NSF: variants seen among roughly 807,000 people sequenced by gnomAD.
NSF encodes vesicle-fusing ATPase.
NSF carries 14 observed loss-of-function variants against 50.3 expected under a neutral mutation model. That is an observed-to-expected ratio of 0.28 (90% CI 0.18 to 0.44). NSF has a LOEUF of 0.44. NSF is among the 20% of genes least tolerant of loss of function. The pLI, the probability that NSF is intolerant of heterozygous loss-of-function variation, is 1.00. For synonymous variants in NSF, 109 were observed against 175.7 expected (o/e 0.62, Z 3.00); for missense variants, 218 against 504.3 (o/e 0.43, Z 5.44).
intron 17 of NSF, among the ~76,000 whole-genome samples, chr17:46,733,628 A>G (rs1306332670): frequency 6.6e-6 from 1 of 152,186 alleles, no homozygotes; most frequent in Non-Finnish European, 1.5e-5. Context: ...ATCTGATGAT[A>G]CACTTGGGTA....
At position 46,726,563 on chromosome 17, in the gene NSF, G is replaced by T; in HGVS notation, c.1776G>T (p.Ala592=). 2 of 1,613,848 alleles carry T rather than the reference G, an allele frequency of 1.2e-6. No individual in the cohort carries two copies. Among genetic ancestry groups the T allele is most frequent in the Non-Finnish European group, 1.7e-6 (2 of 1,179,814 alleles). Residue 592 remains alanine (A), a synonymous_variant, in exon 16 of 21, where the codon GCG becomes GCT. Coordinates refer to ENST00000398238, the MANE Select transcript of NSF (RefSeq NM_006178.4). The part of the protein sequence containing the change: ...CQAMKKIFDD[A]YKSQLSCVVV... ...TTTTCTTTCAGATCTTTGATGATGCGTACAAATCCCAGCTCAGTTGTGTGG... is the reference window on the plus strand; with the variant it reads ...TTTTCTTTCAGATCTTTGATGATGCTTACAAATCCCAGCTCAGTTGTGTGG...
chr17:46,736,852 G>A (rs1044623922), intron 17 of NSF, among the ~76,000 whole-genome samples: 1 of 152,176 alleles, frequency 6.6e-6, no homozygotes, highest in African/African-American at 2.4e-5. Flanking sequence ...GTGTGCAAGT[G>A]CCTCCTAACT....
chr17:46,718,337 A>T (rs957930574), intron 15 of NSF, among the ~76,000 whole-genome samples: 6 of 148,232 alleles, frequency 4.0e-5, no homozygotes, highest in East Asian at 3.9e-4. Context: ...AAAGCTGATT[A>T]AAAAAAAAAA....
chr17:46,621,223 A>C (rs2058063104), intron 1 of NSF, among the ~76,000 whole-genome samples: 1 of 149,942 alleles, frequency 6.7e-6, no homozygotes, highest in African/African-American at 2.5e-5. Flanking sequence ...TTGCAGCAAT[A>C]GTTTACCTGT....
At chr17:46,714,250 A>G (rs1217293880) in intron 15 of NSF, among the ~76,000 whole-genome samples, 2 of 152,188 alleles carry the variant, frequency 1.3e-5, no homozygotes, top group African/African-American at 4.8e-5. Flanking sequence ...TTTTGTATCA[A>G]TTTGATTAAA....
At position 46,756,908 on chromosome 17, in the gene NSF, T is replaced by C. The variant is rs532287328; in HGVS notation, c.*1085T>C. 5.9e-5 allele frequency: 9 copies of C among 152,734 alleles called. No homozygotes were observed. The highest frequency in any genetic ancestry group is 8.8e-5 in the Non-Finnish European group (6 of 68,038). 9.5% of individuals were successfully genotyped at this position (152,734 alleles called of 1,614,324 possible). A position where few individuals can be genotyped will look rare whatever the true frequency, so the allele number is the denominator to read the frequency against. ...AAAAGGAAGCACCCGTTGAGTCCTT[T>C]TGAGGGTGATTTGTCTTACAACTGA... On this transcript the variant is annotated 3_prime_UTR_variant, in exon 21 of 21. Transcript: ENST00000398238.
intron 1 of NSF, among the ~76,000 whole-genome samples, chr17:46,605,817 A>G (rs1265401729): frequency 1.7e-5 from 1 of 59,544 alleles, no homozygotes; most frequent in African/African-American, 8.5e-5. Flanking sequence ...TGAAATAAAT[A>G]TTGGCTTTAT....
chr17:46,749,669 G>A (rs1439368177), intron 17 of NSF, 104 bp from the exon 18 acceptor site: 21 of 1,091,024 alleles, frequency 1.9e-5, no homozygotes, highest in Middle Eastern at 5.8e-4. Flanking sequence ...CATTTGCATC[G>A]GCAAGATTAA....
intron 12 of NSF, among the ~76,000 whole-genome samples, chr17:46,697,579 CT>C (rs1242384599): frequency 7.2e-6 from 1 of 138,856 alleles, no homozygotes; most frequent in African/African-American, 2.8e-5. Context: ...CATAATTTCC[CT>C]ACATAATAGA....
chr17:46,736,452 T>A (rs1040072383), intron 17 of NSF, among the ~76,000 whole-genome samples: 3 of 152,222 alleles, frequency 2.0e-5, no homozygotes, highest in African/African-American at 7.2e-5. Context: ...ATTTCCTGTG[T>A]CCTTGGGGAT....
chr17:46,719,751 AAAG>A lies in NSF; in HGVS notation c.1761+5771_1761+5773del, dbSNP rs1342683785. On this transcript the variant is annotated intron_variant, in intron 15 of 20. Transcript: ENST00000398238. This position sits in a 1 kb window ranked among gnomAD's most constrained non-coding sequence, Gnocchi z 4.3. ...TTCTATTCGTGCCATTAAATGAACAAAAGAAGAAAGCAGAATTTGATTTTAACT... is the reference window on the plus strand; with the variant it reads ...TTCTATTCGTGCCATTAAATGAACAAAAGAAAGCAGAATTTGATTTTAACT... Among the ~76,000 whole-genome samples the A allele has an allele frequency of 1.3e-5, 2 of 152,212 alleles. No individual in the cohort carries two copies. The highest frequency in any genetic ancestry group is 1.9e-4 in the East Asian group (1 of 5,198).
Position 46,757,354 on chromosome 17 carries a change from T to C in NSF, c.*1531T>C, listed in dbSNP as rs968656711. On this transcript the variant is annotated 3_prime_UTR_variant, in exon 21 of 21. Transcript: ENST00000398238. ...AAGCAGCACACATTGTGTTAACTTA[T>C]GTCTCTTGTTAAATGAGCTTAATGT... is the stretch of plus-strand genomic sequence containing the variant. 3.3e-5 allele frequency: 5 copies of C among 152,694 alleles called. No homozygotes were observed. The highest frequency in any genetic ancestry group is 5.9e-5 in the Non-Finnish European group (4 of 68,054). The allele number at this position is 152,694 out of a possible 1,614,324, so 9.5% of individuals were successfully genotyped here.
chr17:46,711,191 A>G (rs546959447), intron 14 of NSF, 72 bp downstream of exon 14: 61 of 1,344,188 alleles, frequency 4.5e-5, no homozygotes, highest in Middle Eastern at 1.9e-4. Context: ...GCCCGTAAGC[A>G]CATTCTAGAA....
intron 17 of NSF, among the ~76,000 whole-genome samples, chr17:46,743,090 C>T (rs115272050): frequency 1.2e-4 from 18 of 152,232 alleles, no homozygotes; most frequent in African/African-American, 4.1e-4. Context: ...ATGACTCCTT[C>T]GGAGGGGGTG....
At position 46,737,946 on chromosome 17, in the gene NSF, A is replaced by G. The variant is rs189210247; in HGVS notation, c.1908+9012A>G. Reference sequence around the variant, plus strand: ...TATTATTATTATTATTATTATTATTATTATTAGAGATAGGATCTTGCTGTG... The same window carrying G: ...TATTATTATTATTATTATTATTATTGTTATTAGAGATAGGATCTTGCTGTG... On this transcript the variant is annotated intron_variant, in intron 17 of 20. Transcript: ENST00000398238. Among the ~76,000 whole-genome samples, 107 of 104,590 alleles carry G rather than the reference A, an allele frequency of 1.0e-3. 4 individuals are homozygous for G. The East Asian group carries it at 0.024, about 24-fold the overall frequency. The allele number at this position is 104,590 out of a possible 152,430, so 68.6% of individuals were successfully genotyped here.
rs551118675 is a variant in NSF at position 46,746,192 on chromosome 17, T to C, written c.1909-3581T>C. On this transcript the variant is annotated intron_variant, in intron 17 of 20. Coordinates refer to ENST00000398238, the MANE Select transcript of NSF (RefSeq NM_006178.4). ...TGTCTGATGATAAGCATTTGATTTT[T>C]TCCTAGTTGATTCCTCAAATAATAA... is the stretch of plus-strand genomic sequence containing the variant. Among the ~76,000 whole-genome samples, 6 of 152,354 alleles carry C rather than the reference T, an allele frequency of 3.9e-5. No homozygotes were observed. The South Asian group carries it at 1.2e-3, about 32-fold the overall frequency.
intron 13 of NSF, among the ~76,000 whole-genome samples, chr17:46,708,281 G>A (rs913686932): frequency 5.9e-5 from 9 of 151,878 alleles, no homozygotes; most frequent in South Asian, 4.2e-4. Flanking sequence ...CGTTTTCCAC[G>A]GTGGCTGCAC....
In NSF at chr17:46,756,673, A is replaced by G. The variant is rs2059237368; in HGVS notation, c.*850A>G. 1 of 152,680 alleles carries G rather than the reference A, an allele frequency of 6.5e-6. No homozygotes were observed. The highest frequency in any genetic ancestry group is 1.5e-5 in the Non-Finnish European group (1 of 68,050). The allele number at this position is 152,680 out of a possible 1,614,324, so 9.5% of individuals were successfully genotyped here. A position where few individuals can be genotyped will look rare whatever the true frequency, so the allele number is the denominator to read the frequency against. ...ACTCCAAGTGGGTCAATTCCTTAGT[A>G]TAATATTAAGGCTTACTAGTATCAC... On this transcript the variant is annotated 3_prime_UTR_variant, in exon 21 of 21. Coordinates refer to ENST00000398238, the MANE Select transcript of NSF (RefSeq NM_006178.4).
chr17:46,691,393 G>A (rs1245360542), intron 9 of NSF, among the ~76,000 whole-genome samples: 3 of 108,800 alleles, frequency 2.8e-5, no homozygotes, highest in East Asian at 6.1e-4. Flanking sequence ...TCAGGAGTTC[G>A]AGACCAGCCT....
Sources: allele counts gnomAD v4.1 joint callset (sites outside exome capture counted in the v4.1 genomes callset), GRCh38; gene constraint gnomAD v4.1.1; non-coding constraint Gnocchi (gnomAD v3.1); transcripts MANE v1.5; gene names NCBI Gene and HGNC (gene_info 2026-07-23, HGNC 2026-07-21).